Variants in USP32 observed in about 807,000 individuals in gnomAD.
USP32 encodes the protein ubiquitin specific peptidase 32.
Under a neutral mutation model 204.8 loss-of-function variants are expected in USP32, and 59 were observed. That is an observed-to-expected ratio of 0.29 (90% CI 0.23 to 0.36). The LOEUF (loss-of-function observed/expected upper bound fraction) is 0.36, where lower values mean the gene tolerates loss of function less well. Among genes scored for constraint, USP32 ranks in the 10% least tolerant of loss-of-function variants. The probability of loss-of-function intolerance (pLI) is 1.00; values close to 1 mark genes in which losing one functional copy is unlikely to be tolerated. For synonymous variants in USP32, 517 were observed against 678.4 expected (o/e 0.76, Z 3.70); for missense variants, 1,160 against 1,946.4 (o/e 0.60, Z 7.60).
chr17:60,249,702 T>C (rs1194411958), intron 11 of USP32: 2 of 700,326 alleles, frequency 2.9e-6, no homozygotes, highest in African/African-American at 3.5e-5. Context: ...TTAGTAGTTC[T>C]TGAATAAATG....
Position 60,215,458 on chromosome 17 carries a change from C to T in USP32, c.1868-684G>A, listed in dbSNP as rs191765847. Among the ~76,000 whole-genome samples, 389 of 150,124 alleles carry T rather than the reference C, an allele frequency of 2.6e-3. 3 individuals are homozygous for T. The highest frequency in any genetic ancestry group is 9.1e-3 in the African/African-American group (373 of 40,826). On this transcript the variant is annotated intron_variant, in intron 16 of 33. Coordinates refer to ENST00000300896, the MANE Select transcript of USP32 (RefSeq NM_032582.4). The stretch of plus-strand genomic sequence containing the variant: ...CAGTCAATAGCAAAATGAAATAAAA[C>T]TCAGTGAAAAAAAAATTAGGACAGA...
chr17:60,354,920 T>C (rs2089033587), intron 1 of USP32, among the ~76,000 whole-genome samples: 1 of 152,148 alleles, frequency 6.6e-6, no homozygotes, highest in Non-Finnish European at 1.5e-5. Context: ...TGGCGGTGCC[T>C]GTAGTCCCAG....
At chr17:60,247,759 T>C (rs1465458413) in intron 11 of USP32, among the ~76,000 whole-genome samples, 9 of 150,988 alleles carry the variant, frequency 6.0e-5, no homozygotes, top group Middle Eastern at 3.2e-3. Context: ...TCTTGGCTCA[T>C]TGCAACCTCC....
intron 2 of USP32, among the ~76,000 whole-genome samples, chr17:60,331,459 G>A (rs1185607817): frequency 6.6e-6 from 1 of 151,522 alleles, no homozygotes; most frequent in Non-Finnish European, 1.5e-5. Context: ...CAGCTTCTCA[G>A]GAGGCTGAGG....
chr17:60,388,289 T>TACACACACACAC (rs35068599), intron 1 of USP32, among the ~76,000 whole-genome samples: 3,628 of 141,958 alleles, frequency 0.026, 192 homozygotes, highest in African/African-American at 0.086. Context: ...AGCCGATTCT[T>TACACACACACAC]ACACACACAC....
chr17:60,298,109 G>C (rs571285544), intron 3 of USP32, among the ~76,000 whole-genome samples: 24 of 148,698 alleles, frequency 1.6e-4, no homozygotes, highest in African/African-American at 6.3e-4. Context: ...AGTAAACATC[G>C]GGCCTAACTG....
At chr17:60,270,545 T>C (rs1227794027) in intron 6 of USP32, among the ~76,000 whole-genome samples, 1 of 152,166 alleles carries the variant, frequency 6.6e-6, no homozygotes, top group Non-Finnish European at 1.5e-5. Flanking sequence ...AACAGCAGAC[T>C]GGGCGCAGTG....
At chr17:60,399,380 C>T (rs1247459139) in intron 1 of USP32, among the ~76,000 whole-genome samples, 1 of 152,012 alleles carries the variant, frequency 6.6e-6, no homozygotes, top group Non-Finnish European at 1.5e-5. Flanking sequence ...TGGGGCTGGG[C>T]ATGGTGGCTC....
chr17:60,358,254 T>C (rs1279359276), intron 1 of USP32, among the ~76,000 whole-genome samples: 1 of 152,084 alleles, frequency 6.6e-6, no homozygotes, highest in African/African-American at 2.4e-5. Context: ...TACGGAAAAA[T>C]AAGTTTTAAA....
intron 1 of USP32, among the ~76,000 whole-genome samples, chr17:60,397,892 G>A (rs995563518): frequency 6.6e-6 from 1 of 152,002 alleles, no homozygotes; most frequent in Non-Finnish European, 1.5e-5. Flanking sequence ...GTGGGAGTGA[G>A]GATGGGGTTA....
At chr17:60,194,420 G>A (rs1340649705) in intron 27 of USP32, among the ~76,000 whole-genome samples, 1 of 152,132 alleles carries the variant, frequency 6.6e-6, no homozygotes, top group Non-Finnish European at 1.5e-5. Context: ...TGCCACTTGT[G>A]CATGATTTCT....
chr17:60,194,227 A>G (rs777095579), intron 27 of USP32, among the ~76,000 whole-genome samples: 6 of 152,030 alleles, frequency 3.9e-5, no homozygotes, highest in Non-Finnish European at 5.9e-5. Context: ...CATTTTTTGT[A>G]AAGACAGTAT....
rs556654130 is a variant in USP32, at chr17:60,417,191, T to C, written c.106+5055A>G. On this transcript the variant is annotated intron_variant, in intron 1 of 3. Coordinates refer to the USP32 transcript ENST00000588898. ...CCTCAGCCTCCCAAAGTGCTGGGAT[T>C]ACAGGTGTGAACCACTGTGCCCAGC... is the stretch of plus-strand genomic sequence containing the variant. Among the ~76,000 whole-genome samples, 98 of 152,276 alleles carry C rather than the reference T, an allele frequency of 6.4e-4. 3 individuals carry two copies. The South Asian group carries it at 0.02, about 32-fold the overall frequency.
intron 7 of USP32, among the ~76,000 whole-genome samples, chr17:60,267,213 C>G (rs1432062868): frequency 6.6e-6 from 1 of 151,886 alleles, no homozygotes; most frequent in East Asian, 2.0e-4. Context: ...CGAGACCAGC[C>G]TGGTCAACAT....
rs576927509 is a variant in USP32, at chr17:60,347,849, G to A, written c.59-2241C>T. Among the ~76,000 whole-genome samples the A allele has an allele frequency of 3.3e-5, 5 of 151,502 alleles. 1 individual carries two copies. The highest frequency in any genetic ancestry group is 4.2e-4 in the South Asian group (2 of 4,756). ...AAGAATAAGTCAGGAAAGGCTGGGC[G>A]CAGTGGCTCACGCCTGTAATCCCAG... is the stretch of plus-strand genomic sequence containing the variant. On this transcript the variant is annotated intron_variant, in intron 1 of 33. Transcript: ENST00000300896.
intron 1 of USP32, among the ~76,000 whole-genome samples, chr17:60,349,978 G>C (rs1227122992): frequency 6.6e-6 from 1 of 150,610 alleles, no homozygotes; most frequent in African/African-American, 2.4e-5. Context: ...TCAAGCCTAA[G>C]TTCTGCTCTG....
At chr17:60,324,283 A>AATATAC (rs1555614114) in intron 2 of USP32, among the ~76,000 whole-genome samples, 1 of 146,506 alleles carries the variant, frequency 6.8e-6, no homozygotes, top group Non-Finnish European at 1.5e-5. Context: ...CCGTGTTTCA[A>AATATAC]ATATATATAT....
intron 1 of USP32, among the ~76,000 whole-genome samples, chr17:60,381,285 TAAAAA>T (rs2089642058): frequency 6.6e-6 from 1 of 151,598 alleles, no homozygotes; most frequent in African/African-American, 2.4e-5. Flanking sequence ...TACAACAAAA[TAAAAA>T]AATTAGCCAG....
In USP32 at chr17:60,224,089, A is replaced by G. The variant is rs1311279987; in HGVS notation, c.1433-503T>C. On this transcript the variant is annotated intron_variant, in intron 13 of 33. Coordinates refer to ENST00000300896, the MANE Select transcript of USP32 (RefSeq NM_032582.4). ...GTCCACAAGTTCTTTTGAAAGAAAT[A>G]CATGATCTTTACAATACGAAAATAT... 2.0e-5 allele frequency among the ~76,000 whole-genome samples: 3 copies of G among 152,348 alleles called. No homozygotes were observed. The East Asian group carries it at 5.8e-4, about 29-fold the overall frequency.
Sources: gnomAD v4.1 joint callset for allele counts (sites outside exome capture counted in the v4.1 genomes callset) on GRCh38, gnomAD v4.1.1 for gene constraint, MANE v1.5 for transcripts, NCBI Gene and HGNC (gene_info 2026-07-23, HGNC 2026-07-21) for gene names.